Variants in PARP8 observed in about 807,000 individuals in gnomAD.
PARP8 encodes the protein protein mono-ADP-ribosyltransferase PARP8.
A neutral mutation model predicts 124.1 loss-of-function variants in PARP8; 51 were observed. That is an observed-to-expected ratio of 0.41 (90% CI 0.33 to 0.52). The LOEUF (loss-of-function observed/expected upper bound fraction) is 0.52. PARP8 is among the 20% of genes least tolerant of loss of function. The probability of loss-of-function intolerance (pLI) is 0.21; values close to 1 mark genes in which losing one functional copy is unlikely to be tolerated. For missense variants in PARP8, 860 were observed against 1,018.9 expected, an observed-to-expected ratio of 0.84 and a Z score of 2.12; for synonymous variants, 391 against 361.5, an observed-to-expected ratio of 1.08 and a Z score of -0.93.
intron 15 of PARP8, among the ~76,000 whole-genome samples, chr5:50,819,363 G>A (rs1444946458): frequency 6.7e-6 from 1 of 149,046 alleles, no homozygotes; most frequent in Non-Finnish European, 1.5e-5. Flanking sequence ...GTTTTAGTGA[G>A]AGCATATCCA....
At chr5:50,820,197 C>G (rs1476351853) in intron 15 of PARP8, among the ~76,000 whole-genome samples, 6 of 152,160 alleles carry the variant, frequency 3.9e-5, no homozygotes. Context: ...GCTCTGCTGT[C>G]ATTAGGTCAC....
intron 10 of PARP8, among the ~76,000 whole-genome samples, chr5:50,789,335 T>G (rs563801065): frequency 6.7e-6 from 1 of 150,012 alleles, no homozygotes; most frequent in South Asian, 2.1e-4. Context: ...TAGAGAACAC[T>G]GATAAATTAC....
At chr5:50,714,263 T>G (rs1755075876) in intron 2 of PARP8, among the ~76,000 whole-genome samples, 1 of 151,976 alleles carries the variant, frequency 6.6e-6, no homozygotes, top group South Asian at 2.1e-4. Context: ...CGATTGCTGC[T>G]TGGCTCAACA....
At chr5:50,718,439 ATG>A (rs984700864) in intron 2 of PARP8, among the ~76,000 whole-genome samples, 4 of 151,722 alleles carry the variant, frequency 2.6e-5, no homozygotes, top group Non-Finnish European at 3.0e-5. Flanking sequence ...ATGTGTGTGT[ATG>A]TGTGTGTGTA....
chr5:50,716,462 A>G (rs1282851293), intron 2 of PARP8, among the ~76,000 whole-genome samples: 1 of 152,110 alleles, frequency 6.6e-6, no homozygotes, highest in Non-Finnish European at 1.5e-5. Context: ...AAGTAGATTA[A>G]TTGTTTCAAA....
chr5:50,710,193 T>C (rs1754630331), intron 2 of PARP8, among the ~76,000 whole-genome samples: 2 of 151,884 alleles, frequency 1.3e-5, no homozygotes, highest in Admixed American at 1.3e-4. Context: ...CTCAGTTATT[T>C]AAAGGTGTTG....
chr5:50,723,624 T>C (rs1334965407), intron 2 of PARP8, among the ~76,000 whole-genome samples: 1 of 152,048 alleles, frequency 6.6e-6, no homozygotes, highest in Non-Finnish European at 1.5e-5. Context: ...TCTTAACCTC[T>C]TTTTACAATT....
Position 50,760,337 on chromosome 5 carries a change from C to G in PARP8, c.320C>G (p.Ser107Cys). The change falls in exon 5 of 26, where the codon TCC (serine) becomes TGC (cysteine). Residue 107 changes from serine to cysteine, a missense_variant. Physicochemically the swap from Ser to Cys is moderately radical, Grantham distance 112. Coordinates refer to ENST00000281631, the MANE Select transcript of PARP8 (RefSeq NM_024615.4). ...NDINCCLSIK[S>C]KLQKENGEES... ...ATTAACTGTTGCTTATCCATAAAATCCAAATTACAAAAGGAAAATGGGGAG... is the reference window on the plus strand; with the variant it reads ...ATTAACTGTTGCTTATCCATAAAATGCAAATTACAAAAGGAAAATGGGGAG... 1 of 1,530,648 alleles carries G rather than the reference C, an allele frequency of 6.5e-7. No individual in the cohort carries two copies. The highest frequency in any genetic ancestry group is 8.9e-7 in the Non-Finnish European group (1 of 1,121,448). 94.8% of individuals were successfully genotyped at this position (1,530,648 alleles called of 1,614,324 possible). A position where few individuals can be genotyped will look rare whatever the true frequency, so the allele number is the denominator to read the frequency against.
At chr5:50,841,097 AATCTTTGAGATGCTGTGCTTAT>A (rs1748131328) in intron 25 of PARP8, among the ~76,000 whole-genome samples, 1 of 151,854 alleles carries the variant, frequency 6.6e-6, no homozygotes, top group South Asian at 2.1e-4. Context: ...GGCTAGTATT[AATCTTTGAGATGCTGTGCTTAT>A]ATCCCTGGTT....
intron 7 of PARP8, among the ~76,000 whole-genome samples, chr5:50,768,510 C>T (rs1257772558): frequency 6.6e-6 from 1 of 152,054 alleles, no homozygotes; most frequent in Non-Finnish European, 1.5e-5. Context: ...GAAGCAATTT[C>T]GTTAGATCAT....
At chr5:50,792,525 T>A (rs1385243378) in intron 10 of PARP8, among the ~76,000 whole-genome samples, 1 of 152,094 alleles carries the variant, frequency 6.6e-6, no homozygotes, top group African/African-American at 2.4e-5. Context: ...GGCAAGCACT[T>A]GCCGTCTTTC....
intron 2 of PARP8, among the ~76,000 whole-genome samples, chr5:50,748,853 T>C (rs1296125207): frequency 6.6e-6 from 1 of 152,226 alleles, no homozygotes; most frequent in Non-Finnish European, 1.5e-5. Context: ...AGCTTCTTTA[T>C]TCAACACATC....
chr5:50,736,717 A>G (rs1276410563), intron 2 of PARP8, among the ~76,000 whole-genome samples: 1 of 152,186 alleles, frequency 6.6e-6, no homozygotes, highest in Non-Finnish European at 1.5e-5. Flanking sequence ...TATCATTCCA[A>G]TGGAAAAACA....
At chr5:50,824,473 C>T (rs989438004) in intron 17 of PARP8, among the ~76,000 whole-genome samples, 1 of 152,010 alleles carries the variant, frequency 6.6e-6, no homozygotes, top group Non-Finnish European at 1.5e-5. Flanking sequence ...GAAGATGGGA[C>T]TAGAGGAGTT....
intron 3 of PARP8, among the ~76,000 whole-genome samples, chr5:50,757,493 A>G (rs1198765753): frequency 6.6e-6 from 1 of 152,154 alleles, no homozygotes; most frequent in East Asian, 1.9e-4. Context: ...GCAATTTAAT[A>G]AATAATGTCA....
intron 7 of PARP8, among the ~76,000 whole-genome samples, chr5:50,772,358 T>C (rs1761712022): frequency 6.6e-6 from 1 of 152,208 alleles, no homozygotes; most frequent in African/African-American, 2.4e-5. Flanking sequence ...TTTCCTTTGG[T>C]TAAATGTCCA....
chr5:50,700,430 GT>G (rs1048831261), intron 2 of PARP8, among the ~76,000 whole-genome samples: 63 of 152,304 alleles, frequency 4.1e-4, no homozygotes, highest in African/African-American at 1.5e-3. Context: ...TGAGTAGCCT[GT>G]GGTTTCTAAT....
chr5:50,674,371 T>C (rs1288723804), intron 2 of PARP8, among the ~76,000 whole-genome samples: 1 of 152,234 alleles, frequency 6.6e-6, no homozygotes, highest in Admixed American at 6.5e-5. Context: ...TGCCAACCTC[T>C]ACTTTGAAAC....
At chr5:50,820,074 C>T (rs1413093467) in intron 15 of PARP8, among the ~76,000 whole-genome samples, 2 of 152,064 alleles carry the variant, frequency 1.3e-5, no homozygotes, top group South Asian at 4.1e-4. Flanking sequence ...TCTATGTACT[C>T]GGGGCATGTT....
Sources: allele counts gnomAD v4.1 joint callset (sites outside exome capture counted in the v4.1 genomes callset), GRCh38; gene constraint gnomAD v4.1.1; transcripts MANE v1.5; gene names NCBI Gene and HGNC (gene_info 2026-07-23, HGNC 2026-07-21).